The following PTK2 variants were observed in gnomAD, a reference collection of about 807,000 sequenced individuals.
The protein encoded by PTK2 is focal adhesion kinase 1.
Under a neutral mutation model 150.1 loss-of-function variants are expected in PTK2, and 45 were observed. The ratio of observed to expected loss-of-function variants is 0.30; its 90% CI spans 0.24 to 0.38. The LOEUF is 0.38. Among genes scored for constraint, PTK2 ranks in the 10% least tolerant of loss-of-function variants. The pLI is 1.00. For missense variants in PTK2, 919 were observed against 1,307.3 expected, an observed-to-expected ratio of 0.70 and a Z score of 4.58; for synonymous variants, 432 against 449.2, an observed-to-expected ratio of 0.96 and a Z score of 0.48.
At chr8:140,744,573 A>G in intron 19 of PTK2, 79 bp downstream of exon 22, 2 of 880,642 alleles carry the variant, frequency 2.3e-6, no homozygotes, top group South Asian at 2.1e-5. Flanking sequence ...AAAGGGTCCA[A>G]AGACGGTCCA....
intron 4 of PTK2, among the ~76,000 whole-genome samples, chr8:140,878,552 C>T (rs1027763895): frequency 1.3e-5 from 2 of 152,006 alleles, no homozygotes; most frequent in African/African-American, 4.8e-5. Context: ...CATGTTCATG[C>T]CACCGTACTG....
chr8:140,704,319 C>CATA (rs2100032453), intron 24 of PTK2, among the ~76,000 whole-genome samples: 1 of 152,140 alleles, frequency 6.6e-6, no homozygotes, highest in Non-Finnish European at 1.5e-5. Flanking sequence ...AAAGGTTAAT[C>CATA]ATACATTAGT....
chr8:140,839,005 AAAAAAAAAAAC>A lies in PTK2; in HGVS notation c.593+7244_593+7254del, dbSNP rs1232032546. Reference sequence around the variant, plus strand: ...TGGGCACAGAGTGAGACTCCGTCTCAAAAAAAAAAACAAAAAAAAAACTTATAAGTAAAAGT... The same window carrying A: ...TGGGCACAGAGTGAGACTCCGTCTCAAAAAAAAAAACTTATAAGTAAAAGT... On this transcript the variant is annotated intron_variant, in intron 7 of 31. Transcript: ENST00000522684. 1.1e-4 allele frequency among the ~76,000 whole-genome samples: 16 copies of A among 146,696 alleles called. No homozygotes were observed. The South Asian group carries it at 3.0e-3, about 28-fold the overall frequency.
At chr8:140,868,766 A>G (rs559510090) in intron 4 of PTK2, among the ~76,000 whole-genome samples, 8 of 152,328 alleles carry the variant, frequency 5.3e-5, no homozygotes, top group African/African-American at 1.7e-4. Context: ...TCAAAAATGT[A>G]AAGGTCATAA....
At chr8:140,995,911 C>G (rs913344673) in intron 1 of PTK2, among the ~76,000 whole-genome samples, 6 of 152,178 alleles carry the variant, frequency 3.9e-5, no homozygotes, top group African/African-American at 1.4e-4. Flanking sequence ...AGTGAACACG[C>G]AAATGATAAG....
At chr8:140,756,388 A>G (rs2100065743) in intron 16 of PTK2, among the ~76,000 whole-genome samples, 1 of 151,988 alleles carries the variant, frequency 6.6e-6, no homozygotes, top group South Asian at 2.1e-4. Flanking sequence ...AATTCATTCA[A>G]CAAACATTTA....
At chr8:140,946,063 G>T (rs1197007158) in intron 1 of PTK2, among the ~76,000 whole-genome samples, 1 of 152,138 alleles carries the variant, frequency 6.6e-6, no homozygotes, top group African/African-American at 2.4e-5. Context: ...CTAGACTGAA[G>T]CAGGGAAAAG....
chr8:140,668,583 G>T, intron 29 of PTK2, 159 bp from the exon 34 acceptor site: 1 of 759,388 alleles, frequency 1.3e-6, no homozygotes, highest in Non-Finnish European at 2.0e-6. Flanking sequence ...GAGAATGACA[G>T]TAAAGTAATT....
chr8:140,921,881 C>CA (rs2100167592), intron 2 of PTK2, among the ~76,000 whole-genome samples: 1 of 152,150 alleles, frequency 6.6e-6, no homozygotes, highest in Non-Finnish European at 1.5e-5. Flanking sequence ...AAGGTCATCT[C>CA]AAAAATTTAG....
chr8:140,678,085 C>T (rs77959547), intron 27 of PTK2, among the ~76,000 whole-genome samples: 5,252 of 152,242 alleles, frequency 0.034, 284 homozygotes, highest in African/African-American at 0.12. Context: ...CTCACTCTGT[C>T]GCCCAGGCTG....
intron 4 of PTK2, among the ~76,000 whole-genome samples, chr8:140,878,550 T>C (rs993172363): frequency 1.3e-5 from 2 of 151,948 alleles, no homozygotes; most frequent in Non-Finnish European, 2.9e-5. Context: ...GCCATGTTCA[T>C]GCCACCGTAC....
At chr8:140,748,940 G>C (rs1028826002) in intron 17 of PTK2, among the ~76,000 whole-genome samples, 1 of 152,184 alleles carries the variant, frequency 6.6e-6, no homozygotes, top group African/African-American at 2.4e-5. Context: ...CTGATGCCAA[G>C]CAAGGAAATT....
At chr8:140,961,276 C>T (rs2154609378) in intron 1 of PTK2, among the ~76,000 whole-genome samples, 1 of 152,322 alleles carries the variant, frequency 6.6e-6, no homozygotes. Context: ...TTTGCTATTT[C>T]CAAGAAATGT....
intron 1 of PTK2, among the ~76,000 whole-genome samples, chr8:140,931,910 G>C (rs1015143681): frequency 1.5e-5 from 2 of 137,702 alleles, no homozygotes; most frequent in Non-Finnish European, 3.0e-5. Context: ...TCCAGCCTGG[G>C]CGACAGAGAC....
At chr8:140,669,867 T>C in intron 29 of PTK2, 132 bp from the exon 33 acceptor site, 1 of 1,038,208 alleles carries the variant, frequency 9.6e-7, no homozygotes, top group South Asian at 1.5e-5. Flanking sequence ...AAGGAGCTAG[T>C]TTCCAAGCCT....
intron 14 of PTK2, among the ~76,000 whole-genome samples, chr8:140,772,979 G>C (rs953804784): frequency 6.6e-6 from 1 of 152,182 alleles, no homozygotes; most frequent in African/African-American, 2.4e-5. Context: ...GTAAAATGGG[G>C]TTATAACAGA....
chr8:140,891,503 A>G (rs2154607419), intron 2 of PTK2, among the ~76,000 whole-genome samples: 1 of 152,338 alleles, frequency 6.6e-6, no homozygotes, highest in South Asian at 2.1e-4. Flanking sequence ...CAAGACAATG[A>G]GTGACACAGA....
At chr8:140,709,583 T>C (rs1484233905) in intron 23 of PTK2, among the ~76,000 whole-genome samples, 1 of 152,216 alleles carries the variant, frequency 6.6e-6, no homozygotes, top group Non-Finnish European at 1.5e-5. Flanking sequence ...TTGTCAATGA[T>C]AAAAGGAGTA....
intron 7 of PTK2, among the ~76,000 whole-genome samples, chr8:140,843,639 T>C (rs2100123586): frequency 1.3e-5 from 2 of 152,210 alleles, no homozygotes; most frequent in East Asian, 1.9e-4. Context: ...TTGCCATCTA[T>C]TGTACCTTCT....
Sources: allele counts gnomAD v4.1 joint callset (sites outside exome capture counted in the v4.1 genomes callset), GRCh38; gene constraint gnomAD v4.1.1; transcripts MANE v1.5; gene names NCBI Gene and HGNC (gene_info 2026-07-23, HGNC 2026-07-21).